LAMA1: variants seen among roughly 807,000 people sequenced by gnomAD.
LAMA1 encodes laminin subunit alpha 1, also known as laminin subunit alpha-1.
LAMA1 carries 219 observed loss-of-function variants against 348.7 expected under a neutral mutation model. The observed-to-expected ratio is 0.63, with a 90% CI of 0.56 to 0.70. LAMA1 has a LOEUF of 0.70. Among genes scored for constraint, LAMA1 ranks in the 30% least tolerant of loss-of-function variants. The pLI, the probability that LAMA1 is intolerant of heterozygous loss-of-function variation, is 0.00. For missense variants in LAMA1, 3,744 were observed against 3,888.0 expected, an observed-to-expected ratio of 0.96 and a Z score of 0.99; for synonymous variants, 1,487 against 1,491.0, an observed-to-expected ratio of 1.00 and a Z score of 0.06.
intron 14 of LAMA1, among the ~76,000 whole-genome samples, chr18:7,033,455 CAAAA>C (rs10686154): frequency 9.1e-6 from 1 of 109,904 alleles, no homozygotes; most frequent in Admixed American, 9.9e-5. Flanking sequence ...GACTCTGTCT[CAAAA>C]AAAAAAAAAA....
At chr18:7,008,404 A>G (rs534549893) in intron 28 of LAMA1, 84 bp downstream of exon 28, 2 of 1,494,488 alleles carry the variant, frequency 1.3e-6, no homozygotes, top group African/African-American at 1.4e-5. Flanking sequence ...GATACACATA[A>G]GTTCTGTTCA....
At chr18:6,956,336 G>C (rs936036841) in intron 56 of LAMA1, 1 of 510,044 alleles carries the variant, frequency 2.0e-6, no homozygotes, top group African/African-American at 1.9e-5. Context: ...TGCTTTCCTG[G>C]CTAAATGTAA....
At chr18:6,962,582 C>T (rs2057613421) in intron 51 of LAMA1, among the ~76,000 whole-genome samples, 1 of 152,170 alleles carries the variant, frequency 6.6e-6, no homozygotes, top group African/African-American at 2.4e-5. Flanking sequence ...AGAAAGGGAT[C>T]AAACTTAGTG....
chr18:6,958,339 A>T, intron 55 of LAMA1, 138 bp downstream of exon 55: 1 of 835,064 alleles, frequency 1.2e-6, no homozygotes, highest in East Asian at 2.6e-5. Context: ...TACATGATAG[A>T]ACAATGGGGT....
In LAMA1 at chr18:6,993,635, C is replaced by T. The variant is rs1402205809; in HGVS notation, c.5008+6G>A. On this transcript the variant is annotated splice_donor_region_variant and intron_variant, in intron 35 of 62. Transcript: ENST00000389658. ...GATACTTCAAACTAGACACTGCCCA[C>T]ACTACCTGTGATGCTCATCTGCAGC... 1.3e-6 allele frequency: 2 copies of T among 1,593,056 alleles called. No individual in the cohort carries two copies. Among genetic ancestry groups the T allele is most frequent in the Non-Finnish European group, 1.7e-6 (2 of 1,160,648 alleles).
chr18:7,035,984 C>T lies in LAMA1; in HGVS notation c.1839+3G>A, dbSNP rs947962144. On this transcript the variant is annotated splice_donor_region_variant and intron_variant, in intron 13 of 62. Coordinates refer to ENST00000389658, the MANE Select transcript of LAMA1 (RefSeq NM_005559.4). ...ATAGCAGAATCAAAGCAAAAACAATCACCTTAATGATGACGTCAGCATGCG... is the reference window on the plus strand; with the variant it reads ...ATAGCAGAATCAAAGCAAAAACAATTACCTTAATGATGACGTCAGCATGCG... The T allele has an allele frequency of 1.9e-6, 3 of 1,611,360 alleles. No individual in the cohort carries two copies. In the Admixed American group the frequency reaches 5.0e-5, roughly 27 times the overall value.
In LAMA1 at chr18:7,050,750, C is replaced by T; in HGVS notation, c.532G>A (p.Asp178Asn). The T allele has an allele frequency of 6.2e-7, 1 of 1,614,174 alleles. No homozygotes were observed. The part of the protein sequence containing the change: ...RRGPPTYRAD[D>N]EVICTSYYSR... The stretch of plus-strand genomic sequence containing the variant: ...TAATAGGAGGTGCAGATCACTTCAT[C>T]ATCAGCCCTGTAGGTGGGTGGCCCT... The change falls in exon 4 of 63, where the codon GAT becomes AAT. Residue 178 changes from aspartate (D) to asparagine (N), a missense_variant. Asp to Asn is a conservative substitution (Grantham distance 23, BLOSUM62 1). This residue lies in a region of LAMA1 where 1,529 missense variants were observed against 1,689.4 expected (regional missense o/e 0.91). Coordinates refer to ENST00000389658, the MANE Select transcript of LAMA1 (RefSeq NM_005559.4).
rs60402984 is a variant in LAMA1, at chr18:7,044,162, CAAAAAAAAAA to C, written c.976+550_976+559del. On this transcript the variant is annotated intron_variant, in intron 7 of 62. Coordinates refer to ENST00000389658, the MANE Select transcript of LAMA1 (RefSeq NM_005559.4). ...TAGGTGACAGAGTGAGACTCCATCT[CAAAAAAAAAA>C]AAAAAAAAAAAAAGCGATATGTACA... Among the ~76,000 whole-genome samples the C allele has an allele frequency of 5.5e-3, 222 of 40,218 alleles. 1 individual carries two copies. The highest frequency in any genetic ancestry group is 0.014 in the African/African-American group (209 of 14,940). 26.4% of individuals were successfully genotyped at this position (40,218 alleles called of 152,430 possible). A position where few individuals can be genotyped will look rare whatever the true frequency, so the allele number is the denominator to read the frequency against.
chr18:6,966,412 T>C lies in LAMA1; in HGVS notation c.6900-115A>G, dbSNP rs948248306. ...CACTGTAGAGCTATTAGTTCCATAC[T>C]TTCATAACAAGTGTAGATGATAATA... On this transcript the variant is annotated intron_variant, in intron 48 of 62. Transcript: ENST00000389658. 1.0e-5 allele frequency: 9 copies of C among 873,840 alleles called. No homozygotes were observed. In the African/African-American group the frequency reaches 1.3e-4, roughly 13 times the overall value. The allele number at this position is 873,840 out of a possible 1,614,324, so 54.1% of individuals were successfully genotyped here.
rs553921448 is a variant in LAMA1, at chr18:6,969,783, G to T, written c.6899+2074C>A. On this transcript the variant is annotated intron_variant, in intron 48 of 62. Transcript: ENST00000389658. ...CAGGGTGTGTGGAAATCCGGAGGCA[G>T]GCCAGGTATTTCAAGGGGAACAAAA... is the stretch of plus-strand genomic sequence containing the variant. 3.3e-5 allele frequency among the ~76,000 whole-genome samples: 5 copies of T among 152,230 alleles called. No individual in the cohort carries two copies. In the South Asian group the frequency reaches 1.0e-3, roughly 32 times the overall value.
At chr18:7,079,775 C>T in intron 3 of LAMA1, 200 bp downstream of exon 3, 1 of 600,514 alleles carries the variant, frequency 1.7e-6, no homozygotes, top group Non-Finnish European at 3.0e-6. Context: ...ACCCATCTCC[C>T]TGAAGACACC....
At chr18:7,090,434 C>T (rs1348727832) in intron 1 of LAMA1, among the ~76,000 whole-genome samples, 2 of 151,990 alleles carry the variant, frequency 1.3e-5, no homozygotes, top group African/African-American at 4.8e-5. Flanking sequence ...ACTTGACTTA[C>T]TCTAAGCAGG....
intron 3 of LAMA1, among the ~76,000 whole-genome samples, chr18:7,062,666 T>C (rs1350622095): frequency 2.0e-5 from 3 of 151,930 alleles, no homozygotes; most frequent in East Asian, 3.9e-4. Context: ...AAAACATGAG[T>C]GAGAAGGAAA....
In LAMA1 at chr18:6,982,481, C is replaced by T. The variant is rs779795854; in HGVS notation, c.5890+16G>A. On this transcript the variant is annotated intron_variant, in intron 41 of 62. Coordinates refer to ENST00000389658, the MANE Select transcript of LAMA1 (RefSeq NM_005559.4). ...GCTCACTCTGCCTGTCTACACCGTCCGAGCCACATACTGACCTGGAAGCTT... is the reference window on the plus strand; with the variant it reads ...GCTCACTCTGCCTGTCTACACCGTCTGAGCCACATACTGACCTGGAAGCTT... The T allele has an allele frequency of 9.9e-6, 16 of 1,611,032 alleles. No individual in the cohort carries two copies. The highest frequency in any genetic ancestry group is 6.7e-5 in the East Asian group (3 of 44,866).
intron 47 of LAMA1, chr18:6,972,183 G>A (rs1228985117): frequency 5.3e-6 from 3 of 563,866 alleles, no homozygotes; most frequent in Non-Finnish European, 9.5e-6. Context: ...GTAACAACTG[G>A]GCAGGATCTT....
In LAMA1 at chr18:6,995,405, T is replaced by G. The variant is rs1218086485; in HGVS notation, c.4848A>C (p.Lys1616Asn). ...LKENMQKDLG[K>N]IKLEGVAEET... Reference sequence around the variant, plus strand: ...CTTCTGCAACACCTTCAAGCTTAATTTTTCCCAGGTCCTTTTGCATATTTT... The same window carrying G: ...CTTCTGCAACACCTTCAAGCTTAATGTTTCCCAGGTCCTTTTGCATATTTT... The change falls in exon 34 of 63, where the codon AAA (lysine) becomes AAC (asparagine). Residue 1616 changes from lysine to asparagine, a missense_variant. Coordinates refer to ENST00000389658, the MANE Select transcript of LAMA1 (RefSeq NM_005559.4). 26 of 1,613,116 alleles carry G rather than the reference T, an allele frequency of 1.6e-5. No individual in the cohort carries two copies. Among genetic ancestry groups the G allele is most frequent in the Non-Finnish European group, 2.1e-5 (25 of 1,179,184 alleles).
At position 6,975,934 on chromosome 18, in the gene LAMA1, T is replaced by C. The variant is rs768782088; in HGVS notation, c.6489+3A>G. The C allele has an allele frequency of 2.2e-5, 35 of 1,614,116 alleles. No individual in the cohort carries two copies. The East Asian group carries it at 7.4e-4, about 34-fold the overall frequency. ...TGTCGCTTTCCAAAGGTCCATAACT[T>C]ACAGCGGTGCTGCTACCGAGGTAGA... On this transcript the variant is annotated splice_donor_region_variant and intron_variant, in intron 45 of 62. Transcript: ENST00000389658.
chr18:7,107,924 G>A (rs936244648), intron 1 of LAMA1, among the ~76,000 whole-genome samples: 3 of 151,944 alleles, frequency 2.0e-5, no homozygotes, highest in African/African-American at 7.2e-5. Context: ...TGAGGCAGGA[G>A]AATGGCGTGA....
At chr18:7,026,513 T>C (rs959900279) in intron 16 of LAMA1, among the ~76,000 whole-genome samples, 20 of 152,158 alleles carry the variant, frequency 1.3e-4, no homozygotes, top group Non-Finnish European at 2.8e-4. Flanking sequence ...CGTTCATATA[T>C]AGTGGAAAAA....
Sources: allele counts gnomAD v4.1 joint callset (sites outside exome capture counted in the v4.1 genomes callset), GRCh38; gene constraint gnomAD v4.1.1; regional missense constraint gnomAD v4.1.1; transcripts MANE v1.5; gene names NCBI Gene and HGNC (gene_info 2026-07-23, HGNC 2026-07-21).